Variants in EXOC4 observed in about 807,000 individuals in gnomAD.
The protein encoded by EXOC4 is SEC8-like 1.
Under a neutral mutation model 107.2 loss-of-function variants are expected in EXOC4, and 71 were observed. The observed-to-expected ratio is 0.66, with a 90% CI of 0.55 to 0.81. The LOEUF (loss-of-function observed/expected upper bound fraction) is 0.81. Ranked by LOEUF, EXOC4 falls within the 30% of genes least tolerant of loss-of-function variation. The pLI is 0.00. For missense variants in EXOC4, 1,108 were observed against 1,189.6 expected, an observed-to-expected ratio of 0.93 and a Z score of 1.01; for synonymous variants, 456 against 441.2, an observed-to-expected ratio of 1.03 and a Z score of -0.42.
chr7:133,724,329 G>A (rs1293626895), intron 10 of EXOC4, among the ~76,000 whole-genome samples: 1 of 152,146 alleles, frequency 6.6e-6, no homozygotes, highest in Non-Finnish European at 1.5e-5. Flanking sequence ...AACCATATCT[G>A]GAAGCAAGGT....
intron 7 of EXOC4, among the ~76,000 whole-genome samples, chr7:133,377,116 C>G (rs550354538): frequency 6.6e-6 from 1 of 152,274 alleles, no homozygotes; most frequent in African/African-American, 2.4e-5. Flanking sequence ...CTTTGGGAGG[C>G]TGAGGTAGGT....
chr7:133,835,712 A>G (rs1226802560), intron 11 of EXOC4, among the ~76,000 whole-genome samples: 3 of 152,218 alleles, frequency 2.0e-5, no homozygotes, highest in Non-Finnish European at 2.9e-5. Flanking sequence ...TTTAAAAATC[A>G]TGCTATAGTT....
chr7:133,558,196 CTTTTCTTT>C (rs1800733942), intron 9 of EXOC4, among the ~76,000 whole-genome samples: 1 of 101,218 alleles, frequency 9.9e-6, no homozygotes, highest in East Asian at 3.7e-4. Context: ...CTTCTCTTTT[CTTTTCTTT>C]TCTTTTCTTT....
intron 10 of EXOC4, among the ~76,000 whole-genome samples, chr7:133,712,116 A>G (rs1794904910): frequency 1.3e-5 from 2 of 152,136 alleles, no homozygotes; most frequent in Non-Finnish European, 2.9e-5. Context: ...AAGAATGCAA[A>G]ATAACAAGTC....
At chr7:133,713,937 A>G (rs1794947577) in intron 10 of EXOC4, among the ~76,000 whole-genome samples, 1 of 152,144 alleles carries the variant, frequency 6.6e-6, no homozygotes, top group Non-Finnish European at 1.5e-5. Flanking sequence ...ATGAAAATAG[A>G]CTAGTACAGT....
intron 10 of EXOC4, among the ~76,000 whole-genome samples, chr7:133,724,869 A>G (rs1795183039): frequency 6.6e-6 from 1 of 152,224 alleles, no homozygotes; most frequent in South Asian, 2.1e-4. Context: ...TAGGATTAGA[A>G]CACAATGAGT....
intron 9 of EXOC4, among the ~76,000 whole-genome samples, chr7:133,525,067 CA>C (rs1563096634): frequency 6.6e-6 from 1 of 152,138 alleles, no homozygotes; most frequent in Non-Finnish European, 1.5e-5. Context: ...GTAAGTGTAA[CA>C]TATAGCTTTC....
intron 10 of EXOC4, among the ~76,000 whole-genome samples, chr7:133,770,053 G>C (rs1796214151): frequency 6.8e-6 from 1 of 146,912 alleles, no homozygotes; most frequent in Non-Finnish European, 1.5e-5. Flanking sequence ...ATCAACATGT[G>C]TAGCCATCTA....
At chr7:133,354,850 C>A (rs1362735671) in intron 5 of EXOC4, among the ~76,000 whole-genome samples, 2 of 152,154 alleles carry the variant, frequency 1.3e-5, no homozygotes, top group African/African-American at 4.8e-5. Flanking sequence ...CAAGTGTTCC[C>A]TTGGAAGTTG....
intron 12 of EXOC4, among the ~76,000 whole-genome samples, chr7:133,910,698 G>A (rs376817908): frequency 1.3e-5 from 2 of 152,130 alleles, no homozygotes; most frequent in Non-Finnish European, 2.9e-5. Context: ...CTGCGGTTTC[G>A]TCTGCTGCAG....
chr7:133,403,032 G>A (rs1464657346), intron 7 of EXOC4, among the ~76,000 whole-genome samples: 5 of 151,664 alleles, frequency 3.3e-5, no homozygotes, highest in Admixed American at 2.6e-4. Flanking sequence ...TTACAGGCAC[G>A]CACCACCATG....
chr7:133,455,978 A>T (rs1255756773), intron 7 of EXOC4, among the ~76,000 whole-genome samples: 1 of 152,246 alleles, frequency 6.6e-6, no homozygotes, highest in African/African-American at 2.4e-5. Flanking sequence ...GGAATAAATT[A>T]TGTGAGCTGT....
intron 7 of EXOC4, among the ~76,000 whole-genome samples, chr7:133,399,416 C>T (rs1797041130): frequency 6.6e-6 from 1 of 152,186 alleles, no homozygotes; most frequent in African/African-American, 2.4e-5. Context: ...AACACAGTAC[C>T]AGCATCACTC....
At chr7:133,992,432 G>A (rs1227808553) in intron 14 of EXOC4, among the ~76,000 whole-genome samples, 4 of 151,938 alleles carry the variant, frequency 2.6e-5, no homozygotes, top group East Asian at 1.9e-4. Flanking sequence ...ATAGGCACCC[G>A]CCACCAAGCC....
chr7:133,408,355 G>A (rs1294665849), intron 7 of EXOC4, among the ~76,000 whole-genome samples: 1 of 151,556 alleles, frequency 6.6e-6, no homozygotes, highest in Non-Finnish European at 1.5e-5. Flanking sequence ...GGGGTGGATT[G>A]GTGATGGTGG....
At chr7:133,780,664 G>A (rs1796446484) in intron 10 of EXOC4, among the ~76,000 whole-genome samples, 1 of 152,126 alleles carries the variant, frequency 6.6e-6, no homozygotes, top group African/African-American at 2.4e-5. Flanking sequence ...CATTGGGCAG[G>A]AGTGGGCCAG....
intron 7 of EXOC4, among the ~76,000 whole-genome samples, chr7:133,465,576 C>A (rs1201316737): frequency 1.3e-5 from 2 of 152,080 alleles, no homozygotes; most frequent in Non-Finnish European, 1.5e-5. Flanking sequence ...CACTCAACAC[C>A]ATCAGAATTC....
chr7:134,017,273 A>G (rs1197669772), intron 17 of EXOC4, among the ~76,000 whole-genome samples: 1 of 152,118 alleles, frequency 6.6e-6, no homozygotes, highest in Non-Finnish European at 1.5e-5. Context: ...TGCCAAAAAA[A>G]TTCTTTTTTT....
At chr7:134,067,064 C>T (rs7810147), downstream of EXOC4, among the ~76,000 whole-genome samples, 117,313 of 150,986 alleles carry the variant, frequency 0.78, 46,459 homozygotes, top group African/African-American at 0.93. Context: ...GCAGGAGAAT[C>T]GCTTGAACCT....
Sources: gnomAD v4.1 joint callset for allele counts (sites outside exome capture counted in the v4.1 genomes callset) on GRCh38, gnomAD v4.1.1 for gene constraint, MANE v1.5 for transcripts, NCBI Gene and HGNC (gene_info 2026-07-23, HGNC 2026-07-21) for gene names.